The following FAM53B variants were observed in gnomAD, a reference collection of about 807,000 sequenced individuals.
FAM53B encodes the protein protein FAM53B.
FAM53B carries 12 observed loss-of-function variants against 32.7 expected under a neutral mutation model. That is an observed-to-expected ratio of 0.37 (90% CI 0.24 to 0.59). The LOEUF (loss-of-function observed/expected upper bound fraction) is 0.59. FAM53B is among the 20% of genes least tolerant of loss of function. FAM53B has a pLI of 0.72. For synonymous variants in FAM53B, 234 were observed against 228.7 expected (o/e 1.02, Z -0.21); for missense variants, 477 against 577.7 (o/e 0.83, Z 1.79).
chr10:124,642,140 G>A (rs895017625), intron 4 of FAM53B, among the ~76,000 whole-genome samples: 1 of 152,250 alleles, frequency 6.6e-6, no homozygotes, highest in African/African-American at 2.4e-5. Context: ...AGTGCAGTCA[G>A]TGGCTGTGCC....
At chr10:124,715,323 C>T (rs1950032430) in intron 1 of FAM53B, among the ~76,000 whole-genome samples, 1 of 152,170 alleles carries the variant, frequency 6.6e-6, no homozygotes, top group Non-Finnish European at 1.5e-5. Context: ...CATCACTTTC[C>T]CTCCTTAACT....
chr10:124,664,892 C>T (rs1395707144), intron 4 of FAM53B, among the ~76,000 whole-genome samples: 1 of 152,204 alleles, frequency 6.6e-6, no homozygotes, highest in Non-Finnish European at 1.5e-5. Context: ...TGCTGCTGCT[C>T]GATCCAGGAC....
chr10:124,628,383 G>T (rs556939688), intron 4 of FAM53B, among the ~76,000 whole-genome samples: 1 of 152,302 alleles, frequency 6.6e-6, no homozygotes, highest in East Asian at 1.9e-4. Context: ...TGCCTCCTCC[G>T]AAGGAGGCTG....
chr10:124,620,585 C>T lies in FAM53B; in HGVS notation c.*2657G>A, dbSNP rs564128188. The T allele has an allele frequency of 6.6e-6, 1 of 152,304 alleles. No homozygotes were observed. The highest frequency in any genetic ancestry group is 2.4e-5 in the African/African-American group (1 of 41,422). The allele number at this position is 152,304 out of a possible 1,614,324, so 9.4% of individuals were successfully genotyped here. ...GTCTGCCTGCTGCCCATGGGGACAC[C>T]AATGTGGGGGGCACCTCCTAGGCGA... On this transcript the variant is annotated 3_prime_UTR_variant, in exon 5 of 5. Transcript: ENST00000337318.
intron 3 of FAM53B, among the ~76,000 whole-genome samples, chr10:124,693,900 C>T (rs879130287): frequency 1.4e-4 from 21 of 152,198 alleles, no homozygotes; most frequent in African/African-American, 4.6e-4. Flanking sequence ...CACCAGGTGC[C>T]TGACACACAG....
chr10:124,685,463 C>CT (rs1358104201), intron 3 of FAM53B, among the ~76,000 whole-genome samples: 1 of 152,196 alleles, frequency 6.6e-6, no homozygotes, highest in Non-Finnish European at 1.5e-5. Flanking sequence ...ACTAACTTCT[C>CT]TTTTGAGACA....
chr10:124,668,162 T>C (rs1242552938), intron 4 of FAM53B, among the ~76,000 whole-genome samples: 1 of 152,224 alleles, frequency 6.6e-6, no homozygotes, highest in Non-Finnish European at 1.5e-5. Context: ...CTCTGCTGAG[T>C]GACAATTAAC....
chr10:124,723,831 CAT>C (rs1038883205), intron 1 of FAM53B, among the ~76,000 whole-genome samples: 2 of 152,370 alleles, frequency 1.3e-5, no homozygotes, highest in African/African-American at 4.8e-5. Flanking sequence ...ATTATATACA[CAT>C]GTGACGCTGC....
chr10:124,684,380 C>G (rs1480996070), intron 3 of FAM53B, among the ~76,000 whole-genome samples: 2 of 152,228 alleles, frequency 1.3e-5, no homozygotes, highest in Non-Finnish European at 2.9e-5. Flanking sequence ...CAAAGTACCT[C>G]TTCCTGCAAG....
intron 4 of FAM53B, among the ~76,000 whole-genome samples, chr10:124,661,534 G>A (rs532225224): frequency 6.6e-6 from 1 of 152,354 alleles, no homozygotes; most frequent in Admixed American, 6.5e-5. Context: ...CCTTCTCCCA[G>A]CTGGTGGGCT....
chr10:124,662,624 T>C (rs1273373398), intron 4 of FAM53B, among the ~76,000 whole-genome samples: 3 of 152,036 alleles, frequency 2.0e-5, no homozygotes, highest in Admixed American at 6.6e-5. Flanking sequence ...AAGACTAGCC[T>C]AAGCAACATA....
intron 4 of FAM53B, among the ~76,000 whole-genome samples, chr10:124,663,990 A>G (rs1345135425): frequency 6.6e-6 from 1 of 151,940 alleles, no homozygotes; most frequent in Non-Finnish European, 1.5e-5. Context: ...GGTTTAAGTG[A>G]GCTAACACCG....
chr10:124,688,221 G>A (rs1313397291), intron 3 of FAM53B, among the ~76,000 whole-genome samples: 3 of 152,168 alleles, frequency 2.0e-5, no homozygotes, highest in South Asian at 2.1e-4. Context: ...CTAAAGATAC[G>A]CAGAAGGGCC....
At chr10:124,737,419 A>C (rs1345777962) in intron 1 of FAM53B, among the ~76,000 whole-genome samples, 1 of 152,100 alleles carries the variant, frequency 6.6e-6, no homozygotes, top group African/African-American at 2.4e-5. Context: ...AGCATGTTTC[A>C]CTTGGCTAAT....
intron 1 of FAM53B, among the ~76,000 whole-genome samples, chr10:124,739,349 G>A (rs1035290163): frequency 6.6e-6 from 1 of 152,216 alleles, no homozygotes; most frequent in Non-Finnish European, 1.5e-5. Flanking sequence ...TTGAGAATTA[G>A]AGAGTGTATA....
intron 4 of FAM53B, among the ~76,000 whole-genome samples, chr10:124,630,409 T>A (rs530432403): frequency 6.6e-6 from 1 of 152,120 alleles, no homozygotes; most frequent in African/African-American, 2.4e-5. Flanking sequence ...GCAAGACCTG[T>A]CTCTCCAAAA....
intron 3 of FAM53B, among the ~76,000 whole-genome samples, chr10:124,683,561 C>G (rs532906086): frequency 5.3e-4 from 80 of 152,244 alleles, no homozygotes; most frequent in African/African-American, 1.7e-3. Flanking sequence ...CCACACAGCC[C>G]CCTGAGTGCA....
chr10:124,721,251 A>G (rs1950066974), intron 1 of FAM53B, among the ~76,000 whole-genome samples: 1 of 152,246 alleles, frequency 6.6e-6, no homozygotes, highest in Non-Finnish European at 1.5e-5. Flanking sequence ...GGATGGGTGC[A>G]AAGTCACCCT....
At chr10:124,644,880 G>A (rs892542798) in intron 4 of FAM53B, among the ~76,000 whole-genome samples, 4 of 152,212 alleles carry the variant, frequency 2.6e-5, no homozygotes, top group East Asian at 1.9e-4. Context: ...TGCAGGACTC[G>A]GTGCTGCAAG....
Sources: gnomAD v4.1 joint callset for allele counts (sites outside exome capture counted in the v4.1 genomes callset) on GRCh38, gnomAD v4.1.1 for gene constraint, MANE v1.5 for transcripts, NCBI Gene and HGNC (gene_info 2026-07-23, HGNC 2026-07-21) for gene names.